EDIL3: variants seen among roughly 807,000 people sequenced by gnomAD.
The protein encoded by EDIL3 is EGF-like repeat and discoidin I-like domain-containing protein 3.
Under a neutral mutation model 67.4 loss-of-function variants are expected in EDIL3, and 37 were observed. That is an observed-to-expected ratio of 0.55 (90% confidence interval 0.42 to 0.72). The LOEUF (loss-of-function observed/expected upper bound fraction) is 0.72, where lower values mean the gene tolerates loss of function less well. Among genes scored for constraint, EDIL3 ranks in the 30% least tolerant of loss-of-function variants. The pLI, the probability that EDIL3 is intolerant of heterozygous loss-of-function variation, is 0.00. For missense variants in EDIL3, 527 were observed against 586.3 expected (o/e 0.90, Z 1.04); for synonymous variants, 195 against 196.3 (o/e 0.99, Z 0.05).
At chr5:84,258,219 G>C (rs1325230406) in intron 1 of EDIL3, among the ~76,000 whole-genome samples, 1 of 152,188 alleles carries the variant, frequency 6.6e-6, no homozygotes, top group Non-Finnish European at 1.5e-5. Flanking sequence ...AGTTAAGAGC[G>C]TAACAAGTTT....
intron 4 of EDIL3, among the ~76,000 whole-genome samples, chr5:84,162,685 G>C (rs974911849): frequency 6.6e-6 from 1 of 151,986 alleles, no homozygotes; most frequent in African/African-American, 2.4e-5. Context: ...TTCCTCTTGG[G>C]CTCCCAAGAT....
chr5:83,958,160 C>G (rs551588421), intron 10 of EDIL3, among the ~76,000 whole-genome samples: 64 of 151,640 alleles, frequency 4.2e-4, no homozygotes, highest in South Asian at 1.2e-3. Context: ...AAACAGAAAA[C>G]TACACTTAGT....
chr5:84,102,625 C>CAA (rs980701753), intron 6 of EDIL3, among the ~76,000 whole-genome samples: 1 of 141,930 alleles, frequency 7.0e-6, no homozygotes, highest in Non-Finnish European at 1.6e-5. Context: ...CAAAACAAAA[C>CAA]AAAAAAAAAA....
rs73144547 is a variant in EDIL3 at position 84,341,447 on chromosome 5, C to T, written c.67+42861G>A. On this transcript the variant is annotated intron_variant, in intron 1 of 10. Transcript: ENST00000296591. ...TTACAAGAATCAAAACAGAGCTCAG[C>T]CCCATAGAAACAAAAGTAAAGACAA... Among the ~76,000 whole-genome samples, 426 of 152,146 alleles carry T rather than the reference C, an allele frequency of 2.8e-3. 2 individuals are homozygous for T. Among genetic ancestry groups the T allele is most frequent in the African/African-American group, 1.0e-2 (415 of 41,516 alleles).
At chr5:84,018,296 C>T (rs971788599) in intron 9 of EDIL3, among the ~76,000 whole-genome samples, 22 of 152,236 alleles carry the variant, frequency 1.4e-4, no homozygotes, top group African/African-American at 5.3e-4. Flanking sequence ...TAGTAACCAC[C>T]TAATTGGGCC....
At chr5:84,234,323 G>A (rs1328453786) in intron 2 of EDIL3, among the ~76,000 whole-genome samples, 3 of 152,130 alleles carry the variant, frequency 2.0e-5, no homozygotes, top group East Asian at 3.9e-4. Flanking sequence ...TTCCTGAAGT[G>A]TGGTGGTACT....
At chr5:84,224,264 G>C (rs1473506974) in intron 3 of EDIL3, among the ~76,000 whole-genome samples, 1 of 151,390 alleles carries the variant, frequency 6.6e-6, no homozygotes, top group Non-Finnish European at 1.5e-5. Context: ...CTTGAGGAAT[G>C]AATGAATGAT....
At chr5:84,153,540 G>A (rs1165676564) in intron 4 of EDIL3, among the ~76,000 whole-genome samples, 3 of 151,542 alleles carry the variant, frequency 2.0e-5, no homozygotes, top group Admixed American at 6.6e-5. Flanking sequence ...GGCTGGTCTC[G>A]AACTCCTGAC....
rs1436937741 is a variant in EDIL3, at chr5:84,055,373, T to A, written c.1137+4927A>T. On this transcript the variant is annotated intron_variant, in intron 9 of 10. Coordinates refer to ENST00000296591, the MANE Select transcript of EDIL3 (RefSeq NM_005711.5). ...AAAAACCCGAGAAGAAAACCTAGGCTATACCATTCAGGACATAGGCATGGG... is the reference window on the plus strand; with the variant it reads ...AAAAACCCGAGAAGAAAACCTAGGCAATACCATTCAGGACATAGGCATGGG... Among the ~76,000 whole-genome samples, 60 of 146,256 alleles carry A rather than the reference T, an allele frequency of 4.1e-4. 8 individuals are homozygous for A. The highest frequency in any genetic ancestry group is 7.5e-4 in the African/African-American group (28 of 37,232).
rs540053439 is a variant in EDIL3 at position 84,077,227 on chromosome 5, G to A, written c.652-10621C>T. On this transcript the variant is annotated intron_variant, in intron 6 of 10. Transcript: ENST00000296591. ...TGTGGCATCAGTACAAACGTTAACA[G>A]AGTAAAAGTGGCAAATATCGTCTTA... Among the ~76,000 whole-genome samples the A allele has an allele frequency of 3.3e-5, 5 of 152,306 alleles. No individual in the cohort carries two copies. In the East Asian group the frequency reaches 9.6e-4, roughly 29 times the overall value.
chr5:84,002,540 G>T (rs1293642047), intron 9 of EDIL3, among the ~76,000 whole-genome samples: 1 of 152,168 alleles, frequency 6.6e-6, no homozygotes, highest in African/African-American at 2.4e-5. Flanking sequence ...AAACCCTAAA[G>T]ACTCCACCAA....
At chr5:84,189,514 A>G (rs1483106990) in intron 3 of EDIL3, among the ~76,000 whole-genome samples, 1 of 152,024 alleles carries the variant, frequency 6.6e-6, no homozygotes, top group African/African-American at 2.4e-5. Context: ...TATGACTTTA[A>G]AGAAAATTAA....
intron 10 of EDIL3, among the ~76,000 whole-genome samples, chr5:83,947,369 C>CTGTGTGTGTGTGTG (rs34059015): frequency 2.3e-5 from 3 of 129,450 alleles, no homozygotes; most frequent in African/African-American, 9.0e-5. Flanking sequence ...GTGTCTGTGT[C>CTGTGTGTGTGTGTG]TGTGTGTGTG....
At chr5:84,014,407 G>A (rs2112183934) in intron 9 of EDIL3, among the ~76,000 whole-genome samples, 1 of 152,320 alleles carries the variant, frequency 6.6e-6, no homozygotes, top group East Asian at 1.9e-4. Context: ...AGCATTTTGG[G>A]AGGCCAAGGC....
chr5:84,068,167 G>C lies in EDIL3; in HGVS notation c.652-1561C>G, dbSNP rs1045450012. 6.6e-5 allele frequency among the ~76,000 whole-genome samples: 10 copies of C among 152,246 alleles called. No individual in the cohort carries two copies. In the South Asian group the frequency reaches 2.1e-3, roughly 32 times the overall value. On this transcript the variant is annotated intron_variant, in intron 6 of 10. Transcript: ENST00000296591. The stretch of plus-strand genomic sequence containing the variant: ...GAATGTTTGAAAGATGTTTACTTCA[G>C]TATGTTAGGTCAATTAGCACATCGC...
chr5:84,121,730 C>T (rs912378637), intron 5 of EDIL3, among the ~76,000 whole-genome samples: 1 of 151,996 alleles, frequency 6.6e-6, no homozygotes, highest in Non-Finnish European at 1.5e-5. Context: ...GCAGCTCATG[C>T]CTCTGTCCTT....
At chr5:84,307,844 A>G (rs1006525519) in intron 1 of EDIL3, among the ~76,000 whole-genome samples, 1 of 152,134 alleles carries the variant, frequency 6.6e-6, no homozygotes, top group Non-Finnish European at 1.5e-5. Flanking sequence ...ATTGAGAAGA[A>G]TATGAATTAG....
intron 4 of EDIL3, among the ~76,000 whole-genome samples, chr5:84,177,440 A>T (rs1326993794): frequency 6.6e-6 from 1 of 152,176 alleles, no homozygotes; most frequent in Non-Finnish European, 1.5e-5. Context: ...GAAGTAGGAA[A>T]GGATAAATAG....
At chr5:84,050,416 T>A in intron 9 of EDIL3, among the ~76,000 whole-genome samples, 1 of 152,116 alleles carries the variant, frequency 6.6e-6, no homozygotes, top group East Asian at 1.9e-4. Context: ...TTTCTGCATT[T>A]CCAACTGAGG....
Sources: allele counts gnomAD v4.1 joint callset (sites outside exome capture counted in the v4.1 genomes callset), GRCh38; gene constraint gnomAD v4.1.1; transcripts MANE v1.5; gene names NCBI Gene and HGNC (gene_info 2026-07-23, HGNC 2026-07-21).